CLEC6A: variants seen among roughly 807,000 people sequenced by gnomAD.
The protein encoded by CLEC6A is C-type lectin domain family 6 member A.
In CLEC6A, 22 loss-of-function variants were observed where a neutral mutation model predicts 25.7. The ratio of observed to expected loss-of-function variants is 0.85; its 90% CI spans 0.61 to 1.22. CLEC6A has a LOEUF of 1.22. Ranked by LOEUF, CLEC6A falls within the 50% of genes most tolerant of loss-of-function variation. The pLI, the probability that CLEC6A is intolerant of heterozygous loss-of-function variation, is 0.00. For synonymous variants in CLEC6A, 92 were observed against 76.7 expected, an observed-to-expected ratio of 1.20 and a Z score of -1.04; for missense variants, 240 against 236.8, an observed-to-expected ratio of 1.01 and a Z score of -0.09.
intron 5 of CLEC6A, among the ~76,000 whole-genome samples, chr12:8,476,556 G>A (rs1336364851): frequency 1.3e-5 from 2 of 151,986 alleles, no homozygotes; most frequent in Admixed American, 6.6e-5. Flanking sequence ...AACACAAGTA[G>A]ACACTTAAAC....
intron 2 of CLEC6A, among the ~76,000 whole-genome samples, chr12:8,459,095 C>T (rs1316038835): frequency 6.6e-6 from 1 of 152,032 alleles, no homozygotes; most frequent in East Asian, 1.9e-4. Flanking sequence ...GTTATTAAGG[C>T]TAAGGAGAAG....
At chr12:8,458,280 C>T (rs1004740900) in intron 2 of CLEC6A, among the ~76,000 whole-genome samples, 23 of 152,190 alleles carry the variant, frequency 1.5e-4, no homozygotes, top group African/African-American at 4.8e-4. Context: ...GGACTGGATT[C>T]ACTAGTAATT....
At chr12:8,470,537 C>G (rs1042058310) in intron 4 of CLEC6A, among the ~76,000 whole-genome samples, 5 of 151,916 alleles carry the variant, frequency 3.3e-5, no homozygotes, top group African/African-American at 1.2e-4. Context: ...AGCCCAAATG[C>G]CTGTCATTTG....
intron 1 of CLEC6A, 24 bp downstream of exon 1, chr12:8,456,166 G>GGAAA (rs770359374): frequency 4.3e-6 from 7 of 1,612,110 alleles, no homozygotes; most frequent in Non-Finnish European, 5.9e-6. Context: ...CAGTTTCAGA[G>GGAAA]GAAAGTGGAA....
At chr12:8,456,570 T>C (rs762376649) in intron 1 of CLEC6A, among the ~76,000 whole-genome samples, 1 of 152,172 alleles carries the variant, frequency 6.6e-6, no homozygotes, top group Non-Finnish European at 1.5e-5. Context: ...TGCATGAAAA[T>C]TTGACTTTAG....
rs769467049 is a variant in CLEC6A at position 8,460,380 on chromosome 12, C to T, written c.223+682C>T. ...AATGAGAGCCAAGTGAGATGGGTTTCCTCTTATCAAACCATCAGATCTTGT... is the reference window on the plus strand; with the variant it reads ...AATGAGAGCCAAGTGAGATGGGTTTTCTCTTATCAAACCATCAGATCTTGT... On this transcript the variant is annotated intron_variant, in intron 3 of 5. Coordinates refer to ENST00000382073, the MANE Select transcript of CLEC6A (RefSeq NM_001007033.2). Among the ~76,000 whole-genome samples, 11 of 152,292 alleles carry T rather than the reference C, an allele frequency of 7.2e-5. No homozygotes were observed. The East Asian group carries it at 2.1e-3, about 29-fold the overall frequency.
intron 3 of CLEC6A, chr12:8,461,261 T>C (rs1426242944): frequency 3.2e-6 from 2 of 618,538 alleles, no homozygotes; most frequent in East Asian, 5.6e-5. Flanking sequence ...AATTCATACC[T>C]AATAAGCAAT....
At chr12:8,471,997 T>C (rs1565484191) in intron 4 of CLEC6A, among the ~76,000 whole-genome samples, 1 of 152,118 alleles carries the variant, frequency 6.6e-6, no homozygotes, top group East Asian at 1.9e-4. Flanking sequence ...TGTCTAGAGA[T>C]TTATTTTGTT....
intron 5 of CLEC6A, 52 bp from the exon 6 acceptor site, chr12:8,477,267 TC>T (rs1254339281): frequency 6.8e-7 from 1 of 1,469,934 alleles, no homozygotes; most frequent in Non-Finnish European, 9.3e-7. Context: ...TACTTTCTAA[TC>T]ATTCACCATG....
chr12:8,466,642 T>G (rs1339659501), intron 4 of CLEC6A, among the ~76,000 whole-genome samples: 1 of 145,846 alleles, frequency 6.9e-6, no homozygotes, highest in African/African-American at 2.5e-5. Context: ...TGATTAGTGA[T>G]GTTGAGCAAG....
At chr12:8,456,982 C>A (rs1300304698) in intron 1 of CLEC6A, among the ~76,000 whole-genome samples, 1 of 151,956 alleles carries the variant, frequency 6.6e-6, no homozygotes, top group Non-Finnish European at 1.5e-5. Context: ...TGGTGGCATG[C>A]ACCTGTAATC....
At chr12:8,471,331 A>G (rs1409543384) in intron 4 of CLEC6A, among the ~76,000 whole-genome samples, 3 of 151,948 alleles carry the variant, frequency 2.0e-5, no homozygotes, top group Non-Finnish European at 4.4e-5. Context: ...CTCCTCTTCG[A>G]TTTTTTGATA....
At position 8,461,675 on chromosome 12, in the gene CLEC6A, GAAAAAT is replaced by G. The variant is rs199541216; in HGVS notation, c.223+1988_223+1993del. 4.4e-3 allele frequency among the ~76,000 whole-genome samples: 673 copies of G among 152,220 alleles called. 17 individuals carry two copies. Among genetic ancestry groups the G allele is most frequent in the Admixed American group, 0.04 (612 of 15,290 alleles). Reference sequence around the variant, plus strand: ...CATCCTTTCAAATGATCATTACAATGAAAAATAAAAATAAAAGTCCATACACAAAAT... The same window carrying G: ...CATCCTTTCAAATGATCATTACAATGAAAAATAAAAGTCCATACACAAAAT... On this transcript the variant is annotated intron_variant, in intron 3 of 5. Transcript: ENST00000382073.
At chr12:8,464,168 T>G (rs1939799030) in intron 3 of CLEC6A, among the ~76,000 whole-genome samples, 1 of 152,148 alleles carries the variant, frequency 6.6e-6, no homozygotes, top group African/African-American at 2.4e-5. Context: ...AGAATAAGAT[T>G]TTTGGTTTTT....
chr12:8,464,786 G>T lies in CLEC6A; in HGVS notation c.224-698G>T, dbSNP rs201235229. 2.6e-5 allele frequency among the ~76,000 whole-genome samples: 4 copies of T among 152,242 alleles called. No homozygotes were observed. In the East Asian group the frequency reaches 7.7e-4, roughly 29 times the overall value. On this transcript the variant is annotated intron_variant, in intron 3 of 5. Coordinates refer to ENST00000382073, the MANE Select transcript of CLEC6A (RefSeq NM_001007033.2). ...GGATTTCTTTAATCCTAGAAGAGTG[G>T]CAAACTGGTACTTGTAAGGGAAGAG... is the stretch of plus-strand genomic sequence containing the variant.
At chr12:8,463,210 C>A (rs368288138) in intron 3 of CLEC6A, among the ~76,000 whole-genome samples, 1 of 152,072 alleles carries the variant, frequency 6.6e-6, no homozygotes, top group Non-Finnish European at 1.5e-5. Flanking sequence ...GCCCATTAGG[C>A]TTCGAGTGGT....
intron 3 of CLEC6A, chr12:8,460,743 C>T: frequency 6.9e-7 from 1 of 1,444,700 alleles, no homozygotes; most frequent in Non-Finnish European, 9.7e-7. Flanking sequence ...CTCCCCACCC[C>T]ACCTGGCCTG....
chr12:8,458,029 C>A, intron 2 of CLEC6A, 42 bp downstream of exon 2: 3 of 1,370,214 alleles, frequency 2.2e-6, no homozygotes, highest in Non-Finnish European at 3.1e-6. Context: ...CTTCCTTTCC[C>A]TTGAATATTC....
At chr12:8,475,542 G>A (rs1403947502) in intron 4 of CLEC6A, among the ~76,000 whole-genome samples, 5 of 152,012 alleles carry the variant, frequency 3.3e-5, no homozygotes, top group Non-Finnish European at 5.9e-5. Flanking sequence ...AACCAATGGT[G>A]TAAATCTAGT....
Sources: gnomAD v4.1 joint callset for allele counts (sites outside exome capture counted in the v4.1 genomes callset) on GRCh38, gnomAD v4.1.1 for gene constraint, MANE v1.5 for transcripts, NCBI Gene and HGNC (gene_info 2026-07-23, HGNC 2026-07-21) for gene names.